Variants in DAB1 observed in about 807,000 individuals in gnomAD.
The protein encoded by DAB1 is DAB adaptor protein 1, also known as disabled homolog 1.
In DAB1, 15 loss-of-function variants were observed where a neutral mutation model predicts 64.6. That is an observed-to-expected ratio of 0.23 (90% confidence interval 0.16 to 0.36). The LOEUF is 0.36. DAB1 is among the 10% of genes least tolerant of loss of function. The probability of loss-of-function intolerance (pLI) is 1.00; values close to 1 mark genes in which losing one functional copy is unlikely to be tolerated. For missense variants in DAB1, 596 were observed against 706.7 expected (o/e 0.84, Z 1.78); for synonymous variants, 235 against 251.9 (o/e 0.93, Z 0.64).
intron 4 of DAB1, among the ~76,000 whole-genome samples, chr1:58,163,583 C>T (rs1655662099): frequency 6.6e-6 from 1 of 152,180 alleles, no homozygotes; most frequent in Non-Finnish European, 1.5e-5. Context: ...CTGGTGCCTG[C>T]TTGCCTGGGA....
chr1:57,134,775 A>C (rs1167975607), intron 4 of DAB1, among the ~76,000 whole-genome samples: 1 of 152,176 alleles, frequency 6.6e-6, no homozygotes, highest in African/African-American at 2.4e-5. Flanking sequence ...CAGACCGCCT[A>C]GGTTCTAATC....
At chr1:57,035,224 C>A (rs1647102909) in intron 9 of DAB1, among the ~76,000 whole-genome samples, 3 of 152,176 alleles carry the variant, frequency 2.0e-5, no homozygotes, top group Admixed American at 2.0e-4. Context: ...CAATTTATGG[C>A]AGAGCCCCTA....
intron 2 of DAB1, among the ~76,000 whole-genome samples, chr1:58,521,106 AGT>A (rs909375608): frequency 2.0e-5 from 3 of 152,212 alleles, no homozygotes; most frequent in African/African-American, 7.2e-5. Context: ...ATCCAATCAG[AGT>A]GTAACTAAGC....
In DAB1 at chr1:58,067,439, A is replaced by G. The variant is rs112875697; in HGVS notation, n.387+83072T>C. Reference sequence around the variant, plus strand: ...CACCTGCAAACAATGAGATCTCCTTACATAGTTCTTGTGTGGTTAAGCATT... The same window carrying G: ...CACCTGCAAACAATGAGATCTCCTTGCATAGTTCTTGTGTGGTTAAGCATT... On this transcript the variant is annotated intron_variant and non_coding_transcript_variant, in intron 5 of 20. Transcript: ENST00000485760. Among the ~76,000 whole-genome samples, 381 of 152,366 alleles carry G rather than the reference A, an allele frequency of 2.5e-3. 1 individual carries two copies. The highest frequency in any genetic ancestry group is 5.0e-3 in the African/African-American group (207 of 41,590).
At chr1:58,122,213 A>AGTTTATT (rs1652789252) in intron 5 of DAB1, among the ~76,000 whole-genome samples, 1 of 152,222 alleles carries the variant, frequency 6.6e-6, no homozygotes, top group Non-Finnish European at 1.5e-5. Context: ...CACTATGCAC[A>AGTTTATT]GTTTATTTGG....
chr1:58,243,568 C>T (rs1484554556), intron 4 of DAB1, among the ~76,000 whole-genome samples: 1 of 152,004 alleles, frequency 6.6e-6, no homozygotes, highest in Non-Finnish European at 1.5e-5. Context: ...TGTACTATTG[C>T]CAACAAGGGA....
chr1:57,791,337 C>T (rs1243980403), intron 6 of DAB1, among the ~76,000 whole-genome samples: 1 of 152,080 alleles, frequency 6.6e-6, no homozygotes, highest in Non-Finnish European at 1.5e-5. Context: ...ACAGATCCTC[C>T]CTTTCCTTCT....
chr1:58,052,724 AGCAGTGGTTT>A (rs1208597561), intron 5 of DAB1, among the ~76,000 whole-genome samples: 1 of 152,118 alleles, frequency 6.6e-6, no homozygotes, highest in Non-Finnish European at 1.5e-5. Flanking sequence ...TATTTCATTG[AGCAGTGGTTT>A]GTAGTTCTCC....
At chr1:58,263,123 A>G (rs1661085958) in intron 4 of DAB1, among the ~76,000 whole-genome samples, 1 of 152,244 alleles carries the variant, frequency 6.6e-6, no homozygotes, top group African/African-American at 2.4e-5. Context: ...AATATGTAAT[A>G]TGGCATAGAG....
At chr1:57,327,857 C>A (rs964166475) in intron 1 of DAB1, among the ~76,000 whole-genome samples, 3 of 151,980 alleles carry the variant, frequency 2.0e-5, no homozygotes, top group Admixed American at 1.3e-4. Flanking sequence ...AAAACAACAA[C>A]AAAAAATACC....
chr1:57,863,511 G>A (rs1159452913), intron 1 of DAB1, among the ~76,000 whole-genome samples: 1 of 152,184 alleles, frequency 6.6e-6, no homozygotes, highest in African/African-American at 2.4e-5. Flanking sequence ...GTCCAGTCAA[G>A]TTTACTGAGT....
intron 4 of DAB1, among the ~76,000 whole-genome samples, chr1:58,184,102 T>C (rs1656942215): frequency 6.6e-6 from 1 of 151,986 alleles, no homozygotes; most frequent in Admixed American, 6.6e-5. Flanking sequence ...AGGGTCAGGA[T>C]TTGCTTTTAA....
intron 7 of DAB1, among the ~76,000 whole-genome samples, chr1:57,487,612 A>G (rs917505910): frequency 6.6e-6 from 1 of 152,174 alleles, no homozygotes; most frequent in Non-Finnish European, 1.5e-5. Context: ...ACCCTCTGAA[A>G]TTGTTTTACA....
At chr1:57,482,165 G>C (rs1200865761) in intron 7 of DAB1, among the ~76,000 whole-genome samples, 1 of 152,112 alleles carries the variant, frequency 6.6e-6, no homozygotes. Flanking sequence ...TTCAGACAGA[G>C]AGCAGAGGTG....
rs138629292 is a variant in DAB1, at chr1:57,054,837, C to G, written c.723+8047G>C. Among the ~76,000 whole-genome samples, 1,083 of 152,232 alleles carry G rather than the reference C, an allele frequency of 7.1e-3. 5 individuals carry two copies. Among genetic ancestry groups the G allele is most frequent in the Middle Eastern group, 0.014 (4 of 294 alleles). On this transcript the variant is annotated intron_variant, in intron 9 of 14. Coordinates refer to ENST00000371236, the MANE Select transcript of DAB1 (RefSeq NM_001365792.1). Reference sequence around the variant, plus strand: ...AAGATATCTGCCTAAAGAACATGTCCAGCATTATCAGCCCGAAGAAACAAA... The same window carrying G: ...AAGATATCTGCCTAAAGAACATGTCGAGCATTATCAGCCCGAAGAAACAAA...
intron 1 of DAB1, among the ~76,000 whole-genome samples, 158 bp downstream of exon 1, chr1:57,423,772 C>G (rs7552354): frequency 0.15 from 22,076 of 152,116 alleles, 2,117 homozygotes; most frequent in African/African-American, 0.27. Context: ...CGCCATCCTC[C>G]CAGCACCCCT....
intron 3 of DAB1, among the ~76,000 whole-genome samples, chr1:57,137,835 T>G (rs896390215): frequency 6.6e-6 from 1 of 152,184 alleles, no homozygotes; most frequent in African/African-American, 2.4e-5. Flanking sequence ...ACCAGAGGTA[T>G]GAGGAAGGCA....
chr1:58,267,299 A>C (rs879363988), intron 4 of DAB1, among the ~76,000 whole-genome samples: 2 of 152,206 alleles, frequency 1.3e-5, no homozygotes, highest in African/African-American at 2.4e-5. Context: ...ATCTTGAAGG[A>C]GTATCCAGCA....
At chr1:57,474,383 C>T (rs897627311) in intron 7 of DAB1, among the ~76,000 whole-genome samples, 3 of 152,188 alleles carry the variant, frequency 2.0e-5, no homozygotes, top group Non-Finnish European at 4.4e-5. Context: ...CGCTCATTCT[C>T]TTGCCCACCC....
Sources: gnomAD v4.1 joint callset for allele counts (sites outside exome capture counted in the v4.1 genomes callset) on GRCh38, gnomAD v4.1.1 for gene constraint, MANE v1.5 for transcripts, NCBI Gene and HGNC (gene_info 2026-07-23, HGNC 2026-07-21) for gene names.